The following WDR11 variants were observed in gnomAD, a reference collection of about 807,000 sequenced individuals.
WDR11 encodes the protein WD repeat-containing protein 11.
WDR11 carries 83 observed loss-of-function variants against 151.2 expected under a neutral mutation model. The ratio of observed to expected loss-of-function variants is 0.55; its 90% CI spans 0.46 to 0.66. The LOEUF is 0.66. Ranked by LOEUF, WDR11 falls within the 30% of genes least tolerant of loss-of-function variation. The pLI is 0.00. For synonymous variants in WDR11, 484 were observed against 533.1 expected (o/e 0.91, Z 1.27); for missense variants, 1,301 against 1,480.9 (o/e 0.88, Z 1.99).
chr10:120,874,343 G>C (rs895084179), intron 11 of WDR11, among the ~76,000 whole-genome samples: 1 of 150,564 alleles, frequency 6.6e-6, no homozygotes, highest in Non-Finnish European at 1.5e-5. Flanking sequence ...ACGTTGCCTT[G>C]TTCAGGTTTA....
intron 19 of WDR11, among the ~76,000 whole-genome samples, chr10:120,891,656 T>C (rs1847433355): frequency 6.6e-6 from 1 of 152,202 alleles, no homozygotes; most frequent in East Asian, 1.9e-4. Flanking sequence ...GTAGAAAATT[T>C]CATGAGACTT....
In WDR11 at chr10:120,865,646, A is replaced by C; in HGVS notation, c.896A>C (p.Gln299Pro). 6.2e-7 allele frequency: 1 copy of C among 1,609,288 alleles called. No individual in the cohort carries two copies. The highest frequency in any genetic ancestry group is 1.1e-5 in the South Asian group (1 of 90,738). The change falls in exon 7 of 29, where the codon CAG (glutamine) becomes CCG (proline). Residue 299 changes from glutamine to proline, a missense_variant. Physicochemically the swap from Gln to Pro is moderately conservative, Grantham distance 76 (BLOSUM62 -1). Transcript: ENST00000263461. ...VPFLQVIPCF[Q>P]RDGLFCLHEN... is the part of the protein sequence containing the mutation. ...TATTTAAAGGTAATACCCTGCTTTC[A>C]GCGTGATGGTTTATTTTGTCTACAT...
At chr10:120,906,268 G>T in intron 27 of WDR11, 1 of 1,366,668 alleles carries the variant, frequency 7.3e-7, no homozygotes, top group Non-Finnish European at 9.4e-7. Flanking sequence ...TAGTAAAAGG[G>T]AATTTAAAAG....
At chr10:120,876,350 G>C (rs567056585) in intron 11 of WDR11, among the ~76,000 whole-genome samples, 1 of 152,254 alleles carries the variant, frequency 6.6e-6, no homozygotes, top group South Asian at 2.1e-4. Flanking sequence ...TTGTCTTACT[G>C]TTTCAAGTGC....
Position 120,880,675 on chromosome 10 carries a change from A to G in WDR11, c.1664-151A>G, listed in dbSNP as rs1404523551. On this transcript the variant is annotated intron_variant, in intron 12 of 28. Coordinates refer to ENST00000263461, the MANE Select transcript of WDR11 (RefSeq NM_018117.12). ...CCATCTCAAAAAAAAAAACCCGAAA[A>G]AACAGAAACAGATTAGAAGCAAATG... is the stretch of plus-strand genomic sequence containing the variant. 7 of 746,654 alleles carry G rather than the reference A, an allele frequency of 9.4e-6. No homozygotes were observed. In the East Asian group the frequency reaches 1.4e-4, roughly 15 times the overall value. 46.3% of individuals were successfully genotyped at this position (746,654 alleles called of 1,614,324 possible).
intron 4 of WDR11, among the ~76,000 whole-genome samples, chr10:120,862,183 C>T (rs955080867): frequency 3.3e-5 from 5 of 151,396 alleles, no homozygotes; most frequent in South Asian, 2.1e-4. Flanking sequence ...CTCTGTCACC[C>T]GGGTTGGAGT....
At chr10:120,886,040 T>A in intron 15 of WDR11, 102 bp downstream of exon 15, 1 of 1,492,382 alleles carries the variant, frequency 6.7e-7, no homozygotes, top group Non-Finnish European at 9.2e-7. Context: ...CAAGTTGGAC[T>A]CTGCTTTTGA....
At position 120,904,069 on chromosome 10, in the gene WDR11, A is replaced by G. The variant is rs1180306720; in HGVS notation, c.2954A>G (p.Asn985Ser). The change falls in exon 24 of 29, where the codon AAT becomes AGT. Residue 985 changes from asparagine (N) to serine (S), a missense_variant. This residue lies in a region of WDR11 where 589 missense variants were observed against 670.6 expected (regional missense o/e 0.88). Transcript: ENST00000263461. Reference protein sequence around the residue: ...YFQKFQLERVNLQEVKRSTYD... With the variant: ...YFQKFQLERVSLQEVKRSTYD... ...TAGAAATTTCAGCTAGAAAGGGTTA[A>G]TCTGCAGGAAGTGAAACGGTCAACT... is the stretch of plus-strand genomic sequence containing the variant. 2.5e-6 allele frequency: 4 copies of G among 1,612,838 alleles called. No individual in the cohort carries two copies. In the African/African-American group the frequency reaches 5.3e-5, roughly 22 times the overall value.
chr10:120,895,105 G>A (rs991982698), intron 19 of WDR11, among the ~76,000 whole-genome samples: 5 of 152,134 alleles, frequency 3.3e-5, no homozygotes, highest in East Asian at 3.9e-4. Flanking sequence ...TGCCTTCTAC[G>A]TGGATTCTCT....
In WDR11 at chr10:120,867,182, C is replaced by T; in HGVS notation, c.1294+13C>T. 1 of 1,574,126 alleles carries T rather than the reference C, an allele frequency of 6.4e-7. No homozygotes were observed. On this transcript the variant is annotated intron_variant, in intron 9 of 28. Coordinates refer to ENST00000263461, the MANE Select transcript of WDR11 (RefSeq NM_018117.12). ...GATAACATGATTGGTAAGCTTTTTT[C>T]CCCTCTAACTCCATGTTAAGTATTC...
chr10:120,885,566 T>G (rs1242811397), intron 14 of WDR11, among the ~76,000 whole-genome samples: 3 of 152,158 alleles, frequency 2.0e-5, no homozygotes, highest in Non-Finnish European at 4.4e-5. Flanking sequence ...ATTCATTATT[T>G]TCATTTTGTA....
Sources: gnomAD v4.1 joint callset for allele counts (sites outside exome capture counted in the v4.1 genomes callset) on GRCh38, gnomAD v4.1.1 for gene constraint, gnomAD v4.1.1 regional missense constraint, MANE v1.5 for transcripts, NCBI Gene and HGNC (gene_info 2026-07-23, HGNC 2026-07-21) for gene names.